SGCG: variants seen among roughly 807,000 people sequenced by gnomAD.
The protein encoded by SGCG is sarcoglycan gamma.
Under a neutral mutation model 29.3 loss-of-function variants are expected in SGCG, and 26 were observed. The observed-to-expected ratio is 0.89, with a 90% CI of 0.65 to 1.23. The LOEUF (loss-of-function observed/expected upper bound fraction) is 1.23, where lower values mean the gene tolerates loss of function less well. SGCG is among the 50% of genes most tolerant of loss of function. The pLI is 0.00. For missense variants in SGCG, 353 were observed against 356.0 expected (o/e 0.99, Z 0.07); for synonymous variants, 145 against 129.7 (o/e 1.12, Z -0.80).
chr13:23,298,226 C>T (rs1230710457), intron 6 of SGCG, among the ~76,000 whole-genome samples: 1 of 151,944 alleles, frequency 6.6e-6, no homozygotes, highest in African/African-American at 2.4e-5. Context: ...CGTGGTGGCA[C>T]ATGCCTGTAA....
intron 4 of SGCG, among the ~76,000 whole-genome samples, chr13:23,254,173 G>T (rs1175350713): frequency 6.6e-6 from 1 of 152,130 alleles, no homozygotes; most frequent in Admixed American, 6.5e-5. Context: ...GAGTTTGGAG[G>T]GCTCAGACAG....
intron 6 of SGCG, among the ~76,000 whole-genome samples, chr13:23,319,855 A>G (rs970258787): frequency 3.3e-5 from 5 of 152,236 alleles, no homozygotes; most frequent in Non-Finnish European, 7.3e-5. Flanking sequence ...TTCCAGGCAG[A>G]GGCAAGTAAG....
intron 6 of SGCG, among the ~76,000 whole-genome samples, chr13:23,299,748 G>C (rs1001652840): frequency 6.8e-4 from 103 of 152,040 alleles, no homozygotes; most frequent in African/African-American, 2.3e-3. Flanking sequence ...CACCGTGCCC[G>C]GCCTTAGATT....
intron 3 of SGCG, 142 bp downstream of exon 3, chr13:23,234,854 G>C (rs982781598): frequency 8.5e-5 from 54 of 638,554 alleles, no homozygotes; most frequent in Admixed American, 8.1e-4. Context: ...TAAAAAGCTT[G>C]ACTATTGCAG....
intron 3 of SGCG, among the ~76,000 whole-genome samples, chr13:23,242,109 C>G (rs1232083504): frequency 6.6e-6 from 1 of 152,122 alleles, no homozygotes; most frequent in Non-Finnish European, 1.5e-5. Context: ...ATGAATCCCA[C>G]AGACATTCAA....
chr13:23,324,407 G>A lies in SGCG; in HGVS notation c.742G>A (p.Val248Met), dbSNP rs1883154790. ...TGAAACTGTGTGCTTACCCAAGCTG[G>A]TGCAGGGGACGTGGGGTCCCTCTGG... ...DAETVCLPKL[V>M]QGTWGPSGSS... is the part of the protein sequence containing the mutation. The change falls in exon 8 of 8, where the codon GTG becomes ATG. Residue 248 changes from valine (V) to methionine (M), a missense_variant. By Grantham distance (21) the Val-to-Met change is conservative (BLOSUM62 1). Coordinates refer to ENST00000218867, the MANE Select transcript of SGCG (RefSeq NM_000231.3). The A allele has an allele frequency of 6.2e-7, 1 of 1,614,078 alleles. No individual in the cohort carries two copies. Among genetic ancestry groups the A allele is most frequent in the African/African-American group, 1.3e-5 (1 of 74,934 alleles).
intron 5 of SGCG, among the ~76,000 whole-genome samples, chr13:23,284,433 C>T (rs1439228640): frequency 1.3e-5 from 2 of 152,110 alleles, no homozygotes; most frequent in African/African-American, 4.8e-5. Context: ...ACAAAGTTCT[C>T]ATGCTGTGTT....
chr13:23,171,891 G>A, the SGCG span, among the ~76,000 whole-genome samples: 2 of 152,210 alleles, frequency 1.3e-5, no homozygotes, highest in Non-Finnish European at 2.9e-5. Context: ...TCGGTTCATG[G>A]CCTGGGGGTT....
the SGCG span, among the ~76,000 whole-genome samples, chr13:23,162,472 A>T: frequency 3.3e-5 from 5 of 152,278 alleles, no homozygotes; most frequent in East Asian, 1.9e-4. Flanking sequence ...ATATTTTTTT[A>T]AAAATTAGCC....
At chr13:23,182,194 T>C (rs1876764777) in intron 1 of SGCG, among the ~76,000 whole-genome samples, 1 of 152,242 alleles carries the variant, frequency 6.6e-6, no homozygotes, top group Admixed American at 6.5e-5. Context: ...AACTAAGTTG[T>C]TATTAAATTG....
At chr13:23,245,489 C>G (rs913628276) in intron 3 of SGCG, 3 of 152,112 alleles carry the variant, frequency 2.0e-5, no homozygotes, top group African/African-American at 7.2e-5. Flanking sequence ...GAGAGTGTCT[C>G]TACTACGGAG....
rs1258196857 is a variant in SGCG, at chr13:23,183,033, CTGGAAAGTCT to C, written c.-1+1959_-1+1968del. Among the ~76,000 whole-genome samples, 13 of 152,308 alleles carry C rather than the reference CTGGAAAGTCT, an allele frequency of 8.5e-5. No homozygotes were observed. The East Asian group carries it at 2.5e-3, about 29-fold the overall frequency. On this transcript the variant is annotated intron_variant, in intron 1 of 7. Transcript: ENST00000218867. ...AATTAATTTTACTTGAGAAACATCT[CTGGAAAGTCT>C]AACATCAATGAAGAGGCTATGATTA...
intron 4 of SGCG, among the ~76,000 whole-genome samples, chr13:23,260,141 G>A (rs1289905772): frequency 6.6e-6 from 1 of 152,062 alleles, no homozygotes; most frequent in Non-Finnish European, 1.5e-5. Context: ...ATTGACAGTG[G>A]GGTGTTAAAG....
chr13:23,220,534 G>A (rs1376559820), intron 2 of SGCG, among the ~76,000 whole-genome samples: 1 of 152,166 alleles, frequency 6.6e-6, no homozygotes, highest in African/African-American at 2.4e-5. Flanking sequence ...ATATCATTCA[G>A]TTGAAATTAA....
chr13:23,171,699 TC>T, the SGCG span, among the ~76,000 whole-genome samples: 1 of 152,146 alleles, frequency 6.6e-6, no homozygotes, highest in African/African-American at 2.4e-5. Flanking sequence ...GGCATTAGAA[TC>T]CCATAAGATG....
chr13:23,323,426 T>C (rs942272701), intron 7 of SGCG, among the ~76,000 whole-genome samples: 2 of 152,126 alleles, frequency 1.3e-5, no homozygotes, highest in African/African-American at 4.8e-5. Flanking sequence ...TGTTAATAGA[T>C]TGGAAGGCAA....
At chr13:23,309,678 A>C (rs1882487295) in intron 6 of SGCG, among the ~76,000 whole-genome samples, 1 of 152,216 alleles carries the variant, frequency 6.6e-6, no homozygotes, top group South Asian at 2.1e-4. Flanking sequence ...AAATTAAGAA[A>C]GTTCCATTTT....
intron 6 of SGCG, among the ~76,000 whole-genome samples, chr13:23,305,755 T>G (rs968438165): frequency 2.0e-5 from 3 of 152,250 alleles, no homozygotes; most frequent in Non-Finnish European, 4.4e-5. Flanking sequence ...TAGTCATGTA[T>G]GTCTCTTAGA....
At chr13:23,205,979 C>G (rs903996836) in intron 2 of SGCG, among the ~76,000 whole-genome samples, 1 of 152,170 alleles carries the variant, frequency 6.6e-6, no homozygotes, top group Non-Finnish European at 1.5e-5. Context: ...GACTTTGGGT[C>G]ATTATTCTCA....
Sources: allele counts gnomAD v4.1 joint callset (sites outside exome capture counted in the v4.1 genomes callset), GRCh38; gene constraint gnomAD v4.1.1; transcripts MANE v1.5; gene names NCBI Gene and HGNC (gene_info 2026-07-23, HGNC 2026-07-21).